Variants in BAG4 observed in about 807,000 individuals in gnomAD.
The protein encoded by BAG4 is BAG cochaperone 4.
A neutral mutation model predicts 52.1 loss-of-function variants in BAG4; 28 were observed. The observed-to-expected ratio is 0.54, with a 90% CI of 0.40 to 0.74. The LOEUF is 0.74. BAG4 is among the 30% of genes least tolerant of loss of function. The pLI is 0.00. For synonymous variants in BAG4, 208 were observed against 217.0 expected, an observed-to-expected ratio of 0.96 and a Z score of 0.37; for missense variants, 525 against 572.0, an observed-to-expected ratio of 0.92 and a Z score of 0.84.
chr8:38,178,854 G>T (rs951497087), intron 1 of BAG4, among the ~76,000 whole-genome samples: 1 of 152,150 alleles, frequency 6.6e-6, no homozygotes, highest in Non-Finnish European at 1.5e-5. Context: ...TAAAATCAGG[G>T]CCTGGTGAGA....
At chr8:38,180,647 TAAA>T (rs968987227) in intron 1 of BAG4, among the ~76,000 whole-genome samples, 1 of 151,950 alleles carries the variant, frequency 6.6e-6, no homozygotes, top group Non-Finnish European at 1.5e-5. Context: ...TCTGTCAAAT[TAAA>T]AAAACAAACA....
chr8:38,194,818 C>G (rs1316705416), intron 2 of BAG4, among the ~76,000 whole-genome samples: 1 of 141,446 alleles, frequency 7.1e-6, no homozygotes, highest in South Asian at 2.3e-4. Flanking sequence ...ATTTTTTTAT[C>G]TAGCCATATT....
At chr8:38,199,745 G>T (rs1232671037) in intron 2 of BAG4, among the ~76,000 whole-genome samples, 1 of 152,020 alleles carries the variant, frequency 6.6e-6, no homozygotes, top group Non-Finnish European at 1.5e-5. Flanking sequence ...GGATGGTCTT[G>T]ACCTCCTGAC....
intron 2 of BAG4, among the ~76,000 whole-genome samples, chr8:38,202,748 C>T (rs1014439400): frequency 2.0e-5 from 3 of 151,886 alleles, no homozygotes; most frequent in African/African-American, 7.3e-5. Context: ...CACTTTGTTG[C>T]CCAGGCTGGT....
At chr8:38,198,106 C>T (rs1422877606) in intron 2 of BAG4, among the ~76,000 whole-genome samples, 3 of 152,006 alleles carry the variant, frequency 2.0e-5, no homozygotes, top group Non-Finnish European at 4.4e-5. Context: ...TCCTTGGGGC[C>T]GGGCGCGGTG....
At chr8:38,182,026 G>A (rs186512164) in intron 1 of BAG4, among the ~76,000 whole-genome samples, 1 of 151,784 alleles carries the variant, frequency 6.6e-6, no homozygotes, top group Non-Finnish European at 1.5e-5. Flanking sequence ...GTCTCCTTTC[G>A]TGGTGGAGTA....
chr8:38,197,220 CAG>C (rs1312109636), intron 2 of BAG4, among the ~76,000 whole-genome samples: 4 of 152,076 alleles, frequency 2.6e-5, no homozygotes, highest in Non-Finnish European at 5.9e-5. Flanking sequence ...GATATTTTCT[CAG>C]AAATGCATCA....
At chr8:38,180,518 G>A (rs1262404154) in intron 1 of BAG4, among the ~76,000 whole-genome samples, 49 of 58,752 alleles carry the variant, frequency 8.3e-4, no homozygotes, top group African/African-American at 3.0e-3. Flanking sequence ...GCGAGACTCC[G>A]TCTCAAAAAA....
At chr8:38,195,263 A>G (rs1803545577) in intron 2 of BAG4, among the ~76,000 whole-genome samples, 1 of 151,752 alleles carries the variant, frequency 6.6e-6, no homozygotes, top group Non-Finnish European at 1.5e-5. Flanking sequence ...TGATCTTCCC[A>G]CTTCAGCCTC....
At chr8:38,196,369 A>T (rs1481745126) in intron 2 of BAG4, among the ~76,000 whole-genome samples, 1 of 152,182 alleles carries the variant, frequency 6.6e-6, no homozygotes, top group South Asian at 2.1e-4. Flanking sequence ...AAAAATTATT[A>T]TAGGCCGGGC....
At position 38,212,394 on chromosome 8, in the gene BAG4, G is replaced by T. The variant is rs1246002401; in HGVS notation, c.*1901G>T. On this transcript the variant is annotated 3_prime_UTR_variant, in exon 5 of 5. Coordinates refer to ENST00000287322, the MANE Select transcript of BAG4 (RefSeq NM_004874.4). ...TTTTTAAGCTTTTGAGATAATTTTA[G>T]ACTTACAGAAGAGTTGTAAAAGTAG... 3 of 152,048 alleles carry T rather than the reference G, an allele frequency of 2.0e-5. No homozygotes were observed. Among genetic ancestry groups the T allele is most frequent in the Non-Finnish European group, 4.4e-5 (3 of 68,000 alleles). The allele number at this position is 152,048 out of a possible 1,614,324, so 9.4% of individuals were successfully genotyped here.
chr8:38,176,890 G>C lies in BAG4; in HGVS notation c.21G>C (p.Ser7=). MSALRR[S]GYGPSDGPSY... is the part of the protein sequence containing the mutation. Reference sequence around the variant, plus strand: ...ATCCCATGTCGGCCCTGAGGCGCTCGGGCTACGGCCCCAGTGACGGTCCGT... The same window carrying C: ...ATCCCATGTCGGCCCTGAGGCGCTCCGGCTACGGCCCCAGTGACGGTCCGT... The change falls in exon 1 of 5, where the codon TCG becomes TCC. Residue 7 remains serine, a synonymous_variant. Transcript: ENST00000287322. 1.9e-6 allele frequency: 3 copies of C among 1,541,040 alleles called. No homozygotes were observed. The highest frequency in any genetic ancestry group is 2.6e-6 in the Non-Finnish European group (3 of 1,142,322).
At chr8:38,178,441 G>A (rs12681876) in intron 1 of BAG4, among the ~76,000 whole-genome samples, 31,770 of 152,246 alleles carry the variant, frequency 0.21, 3,630 homozygotes, top group East Asian at 0.31. Flanking sequence ...TGGGATTACA[G>A]GCGTGAGCCA....
intron 3 of BAG4, among the ~76,000 whole-genome samples, chr8:38,208,315 T>G (rs1484232779): frequency 6.9e-6 from 1 of 145,850 alleles, no homozygotes; most frequent in African/African-American, 2.5e-5. Flanking sequence ...TTCTTTTTTT[T>G]TTTTTTTTTT....
intron 1 of BAG4, among the ~76,000 whole-genome samples, chr8:38,182,141 GA>G (rs1803285128): frequency 6.6e-6 from 1 of 152,132 alleles, no homozygotes; most frequent in South Asian, 2.1e-4. Flanking sequence ...ACAACACAGA[GA>G]AGCATTTGGA....
rs1289024825 is a variant in BAG4 at position 38,212,568 on chromosome 8, A to G, written c.*2075A>G. The G allele has an allele frequency of 6.6e-6, 1 of 152,204 alleles. No homozygotes were observed. The highest frequency in any genetic ancestry group is 1.5e-5 in the Non-Finnish European group (1 of 68,030). 9.4% of individuals were successfully genotyped at this position (152,204 alleles called of 1,614,324 possible). ...AAGTAGAGATTTTAGTCTTTTCACTAATGTCCTTTTACTGTTCCAAGACCC... is the reference window on the plus strand; with the variant it reads ...AAGTAGAGATTTTAGTCTTTTCACTGATGTCCTTTTACTGTTCCAAGACCC... On this transcript the variant is annotated 3_prime_UTR_variant, in exon 5 of 5. Transcript: ENST00000287322.
chr8:38,185,066 G>T (rs2130665192), intron 1 of BAG4, among the ~76,000 whole-genome samples: 1 of 148,948 alleles, frequency 6.7e-6, no homozygotes, highest in East Asian at 2.0e-4. Flanking sequence ...TCCAGCCAGG[G>T]CAACAAGAGT....
At chr8:38,209,371 C>T in intron 4 of BAG4, 104 bp downstream of exon 4, 2 of 1,488,588 alleles carry the variant, frequency 1.3e-6, no homozygotes, top group African/African-American at 1.4e-5. Context: ...GGACTAATTA[C>T]AAAAAGTTGG....
At chr8:38,199,526 C>CT (rs148882011) in intron 2 of BAG4, among the ~76,000 whole-genome samples, 31,246 of 141,442 alleles carry the variant, frequency 0.22, 3,583 homozygotes, top group East Asian at 0.31. Context: ...CCTGTGATTT[C>CT]TTTTTTTTTT....
Sources: gnomAD v4.1 joint callset for allele counts (sites outside exome capture counted in the v4.1 genomes callset) on GRCh38, gnomAD v4.1.1 for gene constraint, MANE v1.5 for transcripts, NCBI Gene and HGNC (gene_info 2026-07-23, HGNC 2026-07-21) for gene names.